PTPRB: variants seen among roughly 807,000 people sequenced by gnomAD.
PTPRB encodes the protein receptor-type tyrosine-protein phosphatase beta.
In PTPRB, 97 loss-of-function variants were observed where a neutral mutation model predicts 238.1. The observed-to-expected ratio is 0.41, with a 90% CI of 0.35 to 0.48. The LOEUF is 0.48. Among genes scored for constraint, PTPRB ranks in the 20% least tolerant of loss-of-function variants. The pLI, the probability that PTPRB is intolerant of heterozygous loss-of-function variation, is 0.30. For missense variants in PTPRB, 2,292 were observed against 2,681.9 expected (o/e 0.85, Z 3.21); for synonymous variants, 970 against 995.4 (o/e 0.97, Z 0.48).
In PTPRB at chr12:70,562,974, C is replaced by G. The variant is rs773634391; in HGVS notation, c.4038G>C (p.Glu1346Asp). The change falls in exon 16 of 34, where the codon GAG (glutamate) becomes GAC (aspartate). Residue 1346 changes from glutamate to aspartate, a missense_variant. By Grantham distance (45) the Glu-to-Asp change is conservative. Coordinates refer to ENST00000334414, the MANE Select transcript of PTPRB (RefSeq NM_001109754.4). ...GGACTAGTGGGTCAACTTGAGCTCT[C>G]TCCTGGAGATTCCCATCTGGGTTGT... The part of the protein sequence containing the change: ...FLYNPDGNLQ[E>D]RAQVDPLVQS... The G allele has an allele frequency of 2.5e-6, 4 of 1,614,026 alleles. No individual in the cohort carries two copies. In the South Asian group the frequency reaches 4.4e-5, roughly 18 times the overall value.
intron 2 of PTPRB, among the ~76,000 whole-genome samples, chr12:70,628,265 G>T (rs890511648): frequency 6.6e-6 from 1 of 152,184 alleles, no homozygotes; most frequent in Non-Finnish European, 1.5e-5. Flanking sequence ...ATGAATAAAT[G>T]CTGATTGGTT....
chr12:70,623,800 C>T (rs891361767), intron 2 of PTPRB, among the ~76,000 whole-genome samples: 7 of 152,080 alleles, frequency 4.6e-5, no homozygotes, highest in African/African-American at 1.7e-4. Flanking sequence ...GGTGAGGTCT[C>T]CTAAATAAGC....
chr12:70,588,104 AAAAAAAAAAG>A (rs1240292286), intron 8 of PTPRB, among the ~76,000 whole-genome samples: 1 of 150,798 alleles, frequency 6.6e-6, no homozygotes, highest in African/African-American at 2.4e-5. Context: ...TCAAAAAAAA[AAAAAAAAAAG>A]AAAAGAAAAG....
rs147285697 is a variant in PTPRB at position 70,618,361 on chromosome 12, C to T, written c.708+4029G>A. Among the ~76,000 whole-genome samples, 790 of 152,254 alleles carry T rather than the reference C, an allele frequency of 5.2e-3. 7 individuals are homozygous for T. Among genetic ancestry groups the T allele is most frequent in the African/African-American group, 0.018 (744 of 41,548 alleles). On this transcript the variant is annotated intron_variant, in intron 3 of 33. Transcript: ENST00000334414. ...CTGGGCTTGAGTGATCTGCTCACCTCGGCCTCCCAAAGTGCTGGGATTATA... is the reference window on the plus strand; with the variant it reads ...CTGGGCTTGAGTGATCTGCTCACCTTGGCCTCCCAAAGTGCTGGGATTATA...
At chr12:70,524,766 A>G (rs1378550448) in intron 32 of PTPRB, among the ~76,000 whole-genome samples, 175 bp from the exon 33 acceptor site, 1 of 152,136 alleles carries the variant, frequency 6.6e-6, no homozygotes, top group African/African-American at 2.4e-5. Flanking sequence ...ACCACTGAAA[A>G]GAGAACAATG....
intron 3 of PTPRB, among the ~76,000 whole-genome samples, chr12:70,617,332 A>C (rs568337539): frequency 6.6e-6 from 1 of 152,272 alleles, no homozygotes; most frequent in Admixed American, 6.5e-5. Context: ...GTTAATTATA[A>C]ATTAAGTTCT....
chr12:70,590,141 G>C lies in PTPRB; in HGVS notation c.1873C>G (p.Gln625Glu). The C allele has an allele frequency of 6.2e-7, 1 of 1,613,532 alleles. No individual in the cohort carries two copies. Among genetic ancestry groups the C allele is most frequent in the Non-Finnish European group, 8.5e-7 (1 of 1,179,682 alleles). Reference sequence around the variant, plus strand: ...TCATTGAAGAGTAGGATCCGATACTGCTCCCAGTCTCCAGCAGGGGGCGAC... The same window carrying C: ...TCATTGAAGAGTAGGATCCGATACTCCTCCCAGTCTCCAGCAGGGGGCGAC... ...SWSPPAGDWE[Q>E]YRILLFNDSV... The change falls in exon 8 of 34, where the codon CAG (glutamine) becomes GAG (glutamate). Residue 625 changes from glutamine to glutamate, a missense_variant. Gln to Glu is a conservative substitution (Grantham distance 29). This residue lies in a region of PTPRB where 1,205 missense variants were observed against 1,287.8 expected (regional missense o/e 0.94). Coordinates refer to ENST00000334414, the MANE Select transcript of PTPRB (RefSeq NM_001109754.4).
chr12:70,537,010 C>T (rs1236986060), intron 28 of PTPRB, among the ~76,000 whole-genome samples: 1 of 152,126 alleles, frequency 6.6e-6, no homozygotes, highest in East Asian at 1.9e-4. Flanking sequence ...CTCGGCCGGG[C>T]GCAGTGGCTC....
chr12:70,529,554 T>C (rs1472129253), intron 32 of PTPRB, among the ~76,000 whole-genome samples: 1 of 152,074 alleles, frequency 6.6e-6, no homozygotes, highest in African/African-American at 2.4e-5. Flanking sequence ...GATTAAAAAA[T>C]ATTGAGGATA....
chr12:70,555,787 A>G (rs1877569659), intron 19 of PTPRB, 83 bp downstream of exon 19: 1 of 1,486,192 alleles, frequency 6.7e-7, no homozygotes, highest in Non-Finnish European at 9.1e-7. Flanking sequence ...AGTGAATAGC[A>G]GTGATGGATA....
chr12:70,576,548 A>G lies in PTPRB; in HGVS notation c.2676T>C (p.Tyr892=), dbSNP rs1327850476. The G allele has an allele frequency of 2.0e-5, 31 of 1,556,784 alleles. No homozygotes were observed. Among genetic ancestry groups the G allele is most frequent in the Non-Finnish European group, 2.6e-5 (30 of 1,149,490 alleles). Reference sequence around the variant, plus strand: ...TGCCGTCATGAGACAATGTTACCTCATAGTTATCCACATCTCCGGGCGCCA... The same window carrying G: ...TGCCGTCATGAGACAATGTTACCTCGTAGTTATCCACATCTCCGGGCGCCA... ...WLLAPGDVDN[Y]EVTLSHDGKV... The change falls in exon 11 of 34, where the codon TAT becomes TAC. Residue 892 remains tyrosine (Y), a synonymous_variant. Transcript: ENST00000334414.
In PTPRB at chr12:70,566,465, T is replaced by C. The variant is rs757798559; in HGVS notation, c.3874A>G (p.Ser1292Gly). 1.2e-6 allele frequency: 2 copies of C among 1,613,956 alleles called. No homozygotes were observed. Among genetic ancestry groups the C allele is most frequent in the East Asian group, 4.5e-5 (2 of 44,886 alleles). The stretch of plus-strand genomic sequence containing the variant: ...CGGCCTTCAGTCTGGGCTTCCTTGC[T>C]AAAGAGGCCTCCACTGACAGTTAGG... ...QILTVSGGLF[S>G]KEAQTEGRTV... The change falls in exon 15 of 34, where the codon AGC (serine) becomes GGC (glycine). Residue 1292 changes from serine (S) to glycine (G), a missense_variant. Ser to Gly is a moderately conservative substitution (Grantham distance 56). This residue lies in a region of PTPRB where 683 missense variants were observed against 862.0 expected (regional missense o/e 0.79). Coordinates refer to ENST00000334414, the MANE Select transcript of PTPRB (RefSeq NM_001109754.4).
chr12:70,549,486 CAATG>C (rs1876560001), intron 21 of PTPRB, among the ~76,000 whole-genome samples: 1 of 152,208 alleles, frequency 6.6e-6, no homozygotes, highest in African/African-American at 2.4e-5. Context: ...AGGAACCCAA[CAATG>C]AATGAAACAC....
chr12:70,580,732 T>C (rs1018430347), intron 10 of PTPRB, among the ~76,000 whole-genome samples: 1 of 151,888 alleles, frequency 6.6e-6, no homozygotes, highest in African/African-American at 2.4e-5. Flanking sequence ...GGCAGGAGAA[T>C]TGCTGAACCC....
At chr12:70,581,827 TA>T (rs1417719063) in intron 9 of PTPRB, among the ~76,000 whole-genome samples, 7 of 150,700 alleles carry the variant, frequency 4.6e-5, no homozygotes, top group African/African-American at 1.5e-4. Context: ...ATATATATAT[TA>T]AAAAATAATG....
intron 32 of PTPRB, among the ~76,000 whole-genome samples, chr12:70,530,317 CAA>C (rs959015291): frequency 1.3e-5 from 2 of 152,018 alleles, no homozygotes; most frequent in African/African-American, 4.8e-5. Context: ...AAGAGTATCT[CAA>C]ATATACATAT....
At chr12:70,635,602 A>AAACC in intron 2 of PTPRB, 69 bp downstream of exon 2, 2 of 1,511,148 alleles carry the variant, frequency 1.3e-6, no homozygotes, top group Non-Finnish European at 1.8e-6. Context: ...ACAAACAAAC[A>AAACC]AACAAACAAA....
chr12:70,536,018 T>A lies in PTPRB; in HGVS notation c.6081+7A>T, dbSNP rs764170403. The A allele has an allele frequency of 2.5e-6, 4 of 1,612,192 alleles. No individual in the cohort carries two copies. In the East Asian group the frequency reaches 6.7e-5, roughly 27 times the overall value. ...AAGCTTTGATGCCAGGAAGGCTGTT[T>A]ACTCACTCGGCCCTTCTCAACACAC... is the stretch of plus-strand genomic sequence containing the variant. On this transcript the variant is annotated splice_region_variant and intron_variant, in intron 29 of 33. Coordinates refer to ENST00000334414, the MANE Select transcript of PTPRB (RefSeq NM_001109754.4).
rs1871385420 is a variant in PTPRB at position 70,518,794 on chromosome 12, A to G, written c.*2695T>C. 6.6e-6 allele frequency: 1 copy of G among 152,170 alleles called. No homozygotes were observed. The highest frequency in any genetic ancestry group is 2.4e-5 in the African/African-American group (1 of 41,452). The allele number at this position is 152,170 out of a possible 1,614,324, so 9.4% of individuals were successfully genotyped here. A position where few individuals can be genotyped will look rare whatever the true frequency, so the allele number is the denominator to read the frequency against. Reference sequence around the variant, plus strand: ...TAATTATAACGAACTTGGAAAAATAATTATTAAGATGCTAGATGGGACTCT... The same window carrying G: ...TAATTATAACGAACTTGGAAAAATAGTTATTAAGATGCTAGATGGGACTCT... On this transcript the variant is annotated 3_prime_UTR_variant, in exon 34 of 34. Transcript: ENST00000334414.
Sources: gnomAD v4.1 joint callset for allele counts (sites outside exome capture counted in the v4.1 genomes callset) on GRCh38, gnomAD v4.1.1 for gene constraint, gnomAD v4.1.1 regional missense constraint, MANE v1.5 for transcripts, NCBI Gene and HGNC (gene_info 2026-07-23, HGNC 2026-07-21) for gene names.